The following PTPN4 variants were observed in gnomAD, a reference collection of about 807,000 sequenced individuals.
PTPN4 encodes protein tyrosine phosphatase non-receptor type 4, also known as tyrosine-protein phosphatase non-receptor type 4.
In PTPN4, 49 loss-of-function variants were observed where a neutral mutation model predicts 135.5. That is an observed-to-expected ratio of 0.36 (90% CI 0.29 to 0.46). The LOEUF (loss-of-function observed/expected upper bound fraction) is 0.46. Ranked by LOEUF, PTPN4 falls within the 20% of genes least tolerant of loss-of-function variation. PTPN4 has a pLI of 1.00. For missense variants in PTPN4, 860 were observed against 1,101.0 expected (o/e 0.78, Z 3.10); for synonymous variants, 333 against 369.9 (o/e 0.90, Z 1.14).
chr2:119,965,600 G>A lies in PTPN4; in HGVS notation c.2513G>A (p.Arg838Gln), dbSNP rs761088036. 1.9e-6 allele frequency: 3 copies of A among 1,614,032 alleles called. No individual in the cohort carries two copies. The highest frequency in any genetic ancestry group is 1.1e-5 in the South Asian group (1 of 91,048). Residue 838 changes from arginine to glutamine, a missense_variant, in exon 25 of 27, where the codon CGA becomes CAA. Coordinates refer to ENST00000263708, the MANE Select transcript of PTPN4 (RefSeq NM_002830.4). ...SDFLDFVCHV[R>Q]NKRAGKEEPV... Reference sequence around the variant, plus strand: ...TTTCTAGATTTTGTTTGTCATGTACGAAACAAGAGGGCTGGCAAGGAAGAA... The same window carrying A: ...TTTCTAGATTTTGTTTGTCATGTACAAAACAAGAGGGCTGGCAAGGAAGAA...
intron 2 of PTPN4, among the ~76,000 whole-genome samples, chr2:119,835,039 G>T (rs72969160): frequency 4.6e-5 from 7 of 152,162 alleles, no homozygotes; most frequent in African/African-American, 1.7e-4. Context: ...TGTATTTGGA[G>T]TACTGTATTG....
intron 2 of PTPN4, among the ~76,000 whole-genome samples, chr2:119,844,398 C>T (rs1228049558): frequency 5.4e-5 from 8 of 148,214 alleles, no homozygotes; most frequent in Admixed American, 3.3e-4. Context: ...CGGGCGGAGA[C>T]ACTCCTCACT....
chr2:119,889,821 TTTTCA>T (rs1678215020), intron 9 of PTPN4, among the ~76,000 whole-genome samples: 1 of 152,224 alleles, frequency 6.6e-6, no homozygotes, highest in Non-Finnish European at 1.5e-5. Context: ...TTGTATTCCA[TTTTCA>T]TTTGTTTCAA....
At chr2:119,968,057 C>T in intron 26 of PTPN4, 85 bp downstream of exon 26, 1 of 1,133,140 alleles carries the variant, frequency 8.8e-7, no homozygotes, top group Non-Finnish European at 1.2e-6. Context: ...ATATTTTTAT[C>T]CTTTTTTATC....
intron 5 of PTPN4, among the ~76,000 whole-genome samples, chr2:119,878,923 C>T (rs1221483360): frequency 1.3e-5 from 2 of 151,582 alleles, no homozygotes; most frequent in Non-Finnish European, 2.9e-5. Context: ...GAAACCCCAT[C>T]TCTACTAAAA....
At chr2:119,874,134 C>T (rs984293315) in intron 3 of PTPN4, among the ~76,000 whole-genome samples, 1 of 152,084 alleles carries the variant, frequency 6.6e-6, no homozygotes, top group African/African-American at 2.4e-5. Context: ...AAAGGAATGG[C>T]ATACCACAGC....
At chr2:119,782,714 C>CCTT (rs1558723977) in intron 1 of PTPN4, among the ~76,000 whole-genome samples, 20 of 120,172 alleles carry the variant, frequency 1.7e-4, no homozygotes, top group Admixed American at 3.5e-4. Context: ...CCCCACCCCC[C>CCTT]TTTTTTTTTT....
chr2:119,856,476 C>T (rs925053085), intron 2 of PTPN4, among the ~76,000 whole-genome samples: 3 of 152,014 alleles, frequency 2.0e-5, no homozygotes, highest in Non-Finnish European at 4.4e-5. Flanking sequence ...TAAAAGTGCC[C>T]CCATACTATG....
chr2:119,789,356 C>T (rs965969493), intron 1 of PTPN4, among the ~76,000 whole-genome samples: 7 of 152,042 alleles, frequency 4.6e-5, no homozygotes, highest in Non-Finnish European at 7.4e-5. Context: ...GCAAATATTT[C>T]CTTCTCTATT....
At chr2:119,862,428 C>G (rs2104987771) in intron 2 of PTPN4, 108 bp from the exon 3 acceptor site, 5 of 935,282 alleles carry the variant, frequency 5.3e-6, no homozygotes, top group Non-Finnish European at 6.4e-6. Context: ...TTTGCTACCT[C>G]TGGCATAAAT....
rs916443460 is a variant in PTPN4, at chr2:119,979,661, C to T, written c.*2591C>T. ...GGTTTCTAGAAATAATCCTAGCTTTCATACACCATGTAGTTCTAGACTCCG... is the reference window on the plus strand; with the variant it reads ...GGTTTCTAGAAATAATCCTAGCTTTTATACACCATGTAGTTCTAGACTCCG... On this transcript the variant is annotated 3_prime_UTR_variant, in exon 27 of 27. Coordinates refer to ENST00000263708, the MANE Select transcript of PTPN4 (RefSeq NM_002830.4). 1.3e-5 allele frequency: 2 copies of T among 152,092 alleles called. No individual in the cohort carries two copies. Among genetic ancestry groups the T allele is most frequent in the African/African-American group, 4.8e-5 (2 of 41,436 alleles). The allele number at this position is 152,092 out of a possible 1,614,324, so 9.4% of individuals were successfully genotyped here.
intron 2 of PTPN4, among the ~76,000 whole-genome samples, chr2:119,820,898 A>C (rs1438348297): frequency 6.6e-6 from 1 of 150,486 alleles, no homozygotes; most frequent in African/African-American, 2.4e-5. Context: ...TGTGTATGTA[A>C]AGCTGGACTT....
chr2:119,791,383 T>G (rs901253358), intron 1 of PTPN4: 2 of 152,208 alleles, frequency 1.3e-5, no homozygotes, highest in Non-Finnish European at 2.9e-5. Flanking sequence ...CTACCCACCT[T>G]GGCCTCCCAA....
chr2:119,799,898 G>A (rs535763503), intron 1 of PTPN4, among the ~76,000 whole-genome samples: 1 of 152,238 alleles, frequency 6.6e-6, no homozygotes, highest in South Asian at 2.1e-4. Flanking sequence ...GACTCCTCCA[G>A]TGATGTAGTT....
At chr2:119,814,343 C>T (rs1230786345) in intron 2 of PTPN4, among the ~76,000 whole-genome samples, 2 of 152,140 alleles carry the variant, frequency 1.3e-5, no homozygotes, top group Non-Finnish European at 2.9e-5. Flanking sequence ...ACATGATGCT[C>T]CTGATTCCAG....
At position 119,760,203 on chromosome 2, in the gene PTPN4, G is replaced by T; in HGVS notation, c.-199G>T. ...TCCCCAGCGGCGCCGGCCCGCGGCT[G>T]CCCAGCAGCATGAGGTGGTGCTGGC... On this transcript the variant is annotated 5_prime_UTR_variant, in exon 1 of 27. Transcript: ENST00000263708. 1 of 395,916 alleles carries T rather than the reference G, an allele frequency of 2.5e-6. No homozygotes were observed. The highest frequency in any genetic ancestry group is 4.5e-6 in the Non-Finnish European group (1 of 224,328). The allele number at this position is 395,916 out of a possible 1,614,324, so 24.5% of individuals were successfully genotyped here.
intron 26 of PTPN4, among the ~76,000 whole-genome samples, chr2:119,971,560 G>A (rs1679535565): frequency 6.6e-6 from 1 of 151,968 alleles, no homozygotes; most frequent in South Asian, 2.1e-4. Context: ...TTTTTTTTAT[G>A]TTTTCTGGAT....
chr2:119,842,570 C>T (rs1677397511), intron 2 of PTPN4, among the ~76,000 whole-genome samples: 1 of 152,140 alleles, frequency 6.6e-6, no homozygotes, highest in Admixed American at 6.5e-5. Context: ...TTCAGGTGGA[C>T]TCATGATATA....
At chr2:119,783,175 T>G (rs1190481608) in intron 1 of PTPN4, among the ~76,000 whole-genome samples, 1 of 152,164 alleles carries the variant, frequency 6.6e-6, no homozygotes. Flanking sequence ...ATTTTTGCAG[T>G]AAGGACGTTT....
Sources: allele counts gnomAD v4.1 joint callset (sites outside exome capture counted in the v4.1 genomes callset), GRCh38; gene constraint gnomAD v4.1.1; transcripts MANE v1.5; gene names NCBI Gene and HGNC (gene_info 2026-07-23, HGNC 2026-07-21).